Variants in AMOTL1 observed in about 807,000 individuals in gnomAD.
The protein encoded by AMOTL1 is angiomotin-like protein 1.
A neutral mutation model predicts 102.9 loss-of-function variants in AMOTL1; 45 were observed. That is an observed-to-expected ratio of 0.44 (90% CI 0.34 to 0.56). AMOTL1 has a LOEUF of 0.56. Among genes scored for constraint, AMOTL1 ranks in the 20% least tolerant of loss-of-function variants. The pLI is 0.01. For missense variants in AMOTL1, 1,114 were observed against 1,225.6 expected (o/e 0.91, Z 1.36); for synonymous variants, 481 against 484.7 (o/e 0.99, Z 0.10).
chr11:94,718,651 T>C (rs933707466), intron 1 of AMOTL1, among the ~76,000 whole-genome samples: 9 of 152,008 alleles, frequency 5.9e-5, no homozygotes, highest in Non-Finnish European at 1.0e-4. Context: ...TTGTTTTGAC[T>C]CTTTGAGTGT....
chr11:94,713,233 C>T lies in AMOTL1; in HGVS notation c.-51+6636C>T, dbSNP rs115294768. Among the ~76,000 whole-genome samples, 1,461 of 151,856 alleles carry T rather than the reference C, an allele frequency of 9.6e-3. 17 individuals are homozygous for T. The highest frequency in any genetic ancestry group is 0.033 in the African/African-American group (1,363 of 41,494). ...TGATGTGCCTATATCTCTGACAATA[C>T]CACACTCTTTTGAGTATTTGACTAA... On this transcript the variant is annotated intron_variant, in intron 1 of 4. Coordinates refer to the AMOTL1 transcript ENST00000299004.
In AMOTL1 at chr11:94,769,768, G is replaced by A. The variant is rs192083076; in HGVS notation, c.49+1208G>A. 1.4e-4 allele frequency among the ~76,000 whole-genome samples: 22 copies of A among 152,162 alleles called. No homozygotes were observed. In the East Asian group the frequency reaches 3.9e-3, roughly 27 times the overall value. On this transcript the variant is annotated intron_variant, in intron 1 of 12. Transcript: ENST00000433060. ...AACATTTTGTCCCCATGGTCCCTCA[G>A]CTCCCTTTCTCTGTGAGGCCTTGGT...
intron 3 of AMOTL1, chr11:94,741,057 C>A: frequency 2.5e-6 from 3 of 1,211,616 alleles, no homozygotes; most frequent in Non-Finnish European, 2.2e-6. Context: ...GTTTGGGGGG[C>A]GTCCATAGGA....
chr11:94,787,686 TCAAAAAAAAAAAAAAAAAAAAAAAA>T, intron 1 of AMOTL1, among the ~76,000 whole-genome samples: 1 of 41,478 alleles, frequency 2.4e-5, no homozygotes, highest in African/African-American at 1.2e-4. Context: ...AAACTCCGTC[TCAAAAAAAAAAAAAAAAAAAAAAAA>T]AAAAAAAAAA....
chr11:94,865,919 GA>G (rs1202938450), intron 10 of AMOTL1, 22 bp from the exon 11 acceptor site: 3 of 1,596,778 alleles, frequency 1.9e-6, no homozygotes, highest in South Asian at 2.3e-5. Context: ...TTTTTATGGA[GA>G]CTGTTTTGTT....
At position 94,740,899 on chromosome 11, in the gene AMOTL1, T is replaced by A. The variant is rs1453970373; in HGVS notation, c.86-39T>A. 7 of 1,286,994 alleles carry A rather than the reference T, an allele frequency of 5.4e-6. No individual in the cohort carries two copies. In the African/African-American group the frequency reaches 9.1e-5, roughly 17 times the overall value. The allele number at this position is 1,286,994 out of a possible 1,614,324, so 79.7% of individuals were successfully genotyped here. ...GCTTGTGCGGGTTCGTCCTGAATGG[T>A]AGCGATTCGAGTTGTTTTCTGCTTT... is the stretch of plus-strand genomic sequence containing the variant. On this transcript the variant is annotated intron_variant, in intron 2 of 4. Transcript: ENST00000299004.
At position 94,806,663 on chromosome 11, in the gene AMOTL1, C is replaced by T. The variant is rs115276328; in HGVS notation, c.1121+6352C>T. On this transcript the variant is annotated intron_variant, in intron 3 of 12. Coordinates refer to ENST00000433060, the MANE Select transcript of AMOTL1 (RefSeq NM_130847.3). The stretch of plus-strand genomic sequence containing the variant: ...AAAATGCCCTGTGTGTCCTGACAAA[C>T]GGCTCTGCAGCATGGGTATTTCAAG... 7.8e-3 allele frequency among the ~76,000 whole-genome samples: 1,189 copies of T among 152,278 alleles called. 19 individuals are homozygous for T. Among genetic ancestry groups the T allele is most frequent in the African/African-American group, 0.027 (1,120 of 41,542 alleles).
At chr11:94,732,632 C>A (rs1950372472) in intron 2 of AMOTL1, among the ~76,000 whole-genome samples, 1 of 152,212 alleles carries the variant, frequency 6.6e-6, no homozygotes, top group Non-Finnish European at 1.5e-5. Context: ...GTTCGGCCAC[C>A]AGCCATATCA....
Position 94,876,505 on chromosome 11 carries a change from C to G in AMOTL1, c.*5710C>G, listed in dbSNP as rs1230597144. 1 of 152,612 alleles carries G rather than the reference C, an allele frequency of 6.6e-6. No homozygotes were observed. Among genetic ancestry groups the G allele is most frequent in the Non-Finnish European group, 1.5e-5 (1 of 68,042 alleles). 9.5% of individuals were successfully genotyped at this position (152,612 alleles called of 1,614,324 possible). A position where few individuals can be genotyped will look rare whatever the true frequency, so the allele number is the denominator to read the frequency against. On this transcript the variant is annotated 3_prime_UTR_variant, in exon 13 of 13. Transcript: ENST00000433060. ...CTGTATTGAGGGGTGATGTACATGG[C>G]CATACAGCCAAATGGGTCTGTGTAC...
At chr11:94,780,232 T>A (rs545715248) in intron 1 of AMOTL1, among the ~76,000 whole-genome samples, 1 of 152,330 alleles carries the variant, frequency 6.6e-6, no homozygotes, top group African/African-American at 2.4e-5. Flanking sequence ...AGATGGAGCC[T>A]CTTAGGCAGC....
At chr11:94,775,535 A>G (rs1485122536) in intron 1 of AMOTL1, among the ~76,000 whole-genome samples, 3 of 151,506 alleles carry the variant, frequency 2.0e-5, no homozygotes, top group Non-Finnish European at 2.9e-5. Flanking sequence ...GCCCACATCT[A>G]TGTTTTTAAA....
intron 1 of AMOTL1, among the ~76,000 whole-genome samples, chr11:94,782,576 T>G (rs1951128994): frequency 6.6e-6 from 1 of 152,218 alleles, no homozygotes; most frequent in African/African-American, 2.4e-5. Context: ...TAGATTTTAA[T>G]GTAATACAGT....
chr11:94,795,924 T>C (rs2135562757), intron 2 of AMOTL1, among the ~76,000 whole-genome samples: 1 of 152,360 alleles, frequency 6.6e-6, no homozygotes, highest in Middle Eastern at 3.4e-3. Flanking sequence ...TCCTCTTTAC[T>C]TTCGTAACCC....
intron 2 of AMOTL1, among the ~76,000 whole-genome samples, chr11:94,798,813 C>T (rs1368721270): frequency 2.0e-5 from 3 of 152,014 alleles, no homozygotes; most frequent in African/African-American, 7.3e-5. Flanking sequence ...GGGTAACCAA[C>T]CATGTCAAAT....
upstream of AMOTL1, chr11:94,768,305 C>T: frequency 7.4e-7 from 1 of 1,346,884 alleles, no homozygotes; most frequent in Non-Finnish European, 9.5e-7. Context: ...CGAGCCCGGG[C>T]GACCCTCCCC....
intron 3 of AMOTL1, among the ~76,000 whole-genome samples, chr11:94,759,487 C>T (rs1314271388): frequency 6.7e-6 from 1 of 150,056 alleles, no homozygotes; most frequent in African/African-American, 2.5e-5. Context: ...ATATATGGAT[C>T]ATTCCTCATC....
intron 1 of AMOTL1, among the ~76,000 whole-genome samples, chr11:94,717,351 T>C (rs772153175): frequency 1.4e-5 from 2 of 144,368 alleles, no homozygotes; most frequent in Admixed American, 7.1e-5. Context: ...AGAGAGGAAG[T>C]CTAGTCATAC....
chr11:94,730,510 A>G (rs942246157), intron 2 of AMOTL1, among the ~76,000 whole-genome samples: 1 of 152,108 alleles, frequency 6.6e-6, no homozygotes, highest in Non-Finnish European at 1.5e-5. Context: ...GCAGATTCCC[A>G]TGTCACAGCA....
intron 3 of AMOTL1, among the ~76,000 whole-genome samples, chr11:94,810,618 G>T (rs1951661172): frequency 6.6e-6 from 1 of 151,954 alleles, no homozygotes; most frequent in African/African-American, 2.4e-5. Context: ...AAAAACAGAG[G>T]TTTCTCCCCA....
Sources: gnomAD v4.1 joint callset for allele counts (sites outside exome capture counted in the v4.1 genomes callset) on GRCh38, gnomAD v4.1.1 for gene constraint, MANE v1.5 for transcripts, NCBI Gene and HGNC (gene_info 2026-07-23, HGNC 2026-07-21) for gene names.